Variants in SIPA1L1 observed in about 807,000 individuals in gnomAD.
The protein encoded by SIPA1L1 is signal-induced proliferation-associated 1-like protein 1.
A neutral mutation model predicts 162.7 loss-of-function variants in SIPA1L1; 26 were observed. The observed-to-expected ratio is 0.16, with a 90% CI of 0.12 to 0.22. The LOEUF is 0.22. Ranked by LOEUF, SIPA1L1 falls within the 10% of genes least tolerant of loss-of-function variation. SIPA1L1 has a pLI of 1.00. For synonymous variants in SIPA1L1, 829 were observed against 837.4 expected, an observed-to-expected ratio of 0.99 and a Z score of 0.17; for missense variants, 1,874 against 2,241.0, an observed-to-expected ratio of 0.84 and a Z score of 3.31.
At chr14:71,632,267 G>T (rs1161394974) in intron 7 of SIPA1L1, among the ~76,000 whole-genome samples, 4 of 152,116 alleles carry the variant, frequency 2.6e-5, no homozygotes, top group Admixed American at 2.6e-4. Flanking sequence ...AGGTCCCTGG[G>T]TTTTCTCTTT....
intron 2 of SIPA1L1, among the ~76,000 whole-genome samples, chr14:71,435,685 A>T (rs1052608423): frequency 1.3e-5 from 2 of 152,234 alleles, no homozygotes; most frequent in Non-Finnish European, 2.9e-5. Context: ...CTTTGGGTAT[A>T]TACCCAGTAA....
rs55893880 is a variant in SIPA1L1 at position 71,611,967 on chromosome 14, C to A, written c.1499-6790C>A. On this transcript the variant is annotated intron_variant, in intron 5 of 23. Transcript: ENST00000381232. ...CTGATGGTGGCACACATGTAACCAA[C>A]CAAGTCGACTATTTAAAAAAAAATA... Among the ~76,000 whole-genome samples the A allele has an allele frequency of 5.5e-3, 830 of 152,098 alleles. 10 individuals are homozygous for A. Among genetic ancestry groups the A allele is most frequent in the African/African-American group, 0.019 (804 of 41,492 alleles).
intron 2 of SIPA1L1, among the ~76,000 whole-genome samples, chr14:71,344,989 G>A (rs1010382138): frequency 2.6e-5 from 4 of 152,172 alleles, no homozygotes; most frequent in African/African-American, 9.7e-5. Context: ...CATCTGCACT[G>A]CACAGGAAAA....
chr14:71,696,956 C>T (rs1056749996), intron 13 of SIPA1L1, among the ~76,000 whole-genome samples: 18 of 152,170 alleles, frequency 1.2e-4, no homozygotes, highest in African/African-American at 4.3e-4. Context: ...TGGGCAGAGT[C>T]TGAGAACTGG....
rs776254463 is a variant in SIPA1L1, at chr14:71,724,828, G to A, written c.4607G>A (p.Ser1536Asn). The A allele has an allele frequency of 2.5e-6, 4 of 1,613,966 alleles. No individual in the cohort carries two copies. Among genetic ancestry groups the A allele is most frequent in the Non-Finnish European group, 2.5e-6 (3 of 1,179,986 alleles). Residue 1536 changes from serine to asparagine, a missense_variant, in exon 19 of 24, where the codon AGT becomes AAT. Transcript: ENST00000381232. ...LESPTPESQK[S>N]FKFHALSSPQ... ...AGCCCAACTCCTGAATCACAGAAGA[G>A]TTTTAAGGTACAAGACAGAGCTCAG...
At chr14:71,712,867 C>T (rs1481785584) in intron 17 of SIPA1L1, among the ~76,000 whole-genome samples, 1 of 152,200 alleles carries the variant, frequency 6.6e-6, no homozygotes, top group Non-Finnish European at 1.5e-5. Context: ...GGTCTCCTTC[C>T]TCTTGCTTCC....
intron 2 of SIPA1L1, among the ~76,000 whole-genome samples, chr14:71,327,631 G>GT (rs1341194747): frequency 6.6e-6 from 1 of 152,144 alleles, no homozygotes; most frequent in Non-Finnish European, 1.5e-5. Flanking sequence ...AATGGAGTCA[G>GT]TTTTTTTCCA....
At chr14:71,672,943 A>G (rs184555272) in intron 12 of SIPA1L1, among the ~76,000 whole-genome samples, 1 of 151,482 alleles carries the variant, frequency 6.6e-6, no homozygotes, top group East Asian at 1.9e-4. Flanking sequence ...CATTGAACAC[A>G]TTGAACATTA....
At chr14:71,652,880 TATA>T (rs2149112000) in intron 8 of SIPA1L1, among the ~76,000 whole-genome samples, 1 of 152,300 alleles carries the variant, frequency 6.6e-6, no homozygotes, top group Non-Finnish European at 1.5e-5. Flanking sequence ...TAAACACATT[TATA>T]ATAGTTGTTT....
rs2083978141 is a variant in SIPA1L1 at position 71,723,805 on chromosome 14, A to G, written c.4367A>G (p.Gln1456Arg). 3 of 1,614,176 alleles carry G rather than the reference A, an allele frequency of 1.9e-6. No individual in the cohort carries two copies. The African/African-American group carries it at 4.0e-5, about 22-fold the overall frequency. ...GGTCCTAGGAGTTTTTACCCTCGCC[A>G]GGGCGCTACTAGCAAGTACCTGATT... ...SSGPRSFYPR[Q>R]GATSKYLIGW... Residue 1456 changes from glutamine (Q) to arginine (R), a missense_variant, in exon 18 of 24, where the codon CAG (glutamine) becomes CGG (arginine). Coordinates refer to ENST00000381232, the MANE Select transcript of SIPA1L1 (RefSeq NM_001386936.1).
intron 8 of SIPA1L1, 84 bp downstream of exon 8, chr14:71,650,593 C>G: frequency 7.6e-7 from 1 of 1,312,432 alleles, no homozygotes; most frequent in Admixed American, 1.8e-5. Flanking sequence ...CGTAAAGCAA[C>G]ATTGCCATTT....
intron 2 of SIPA1L1, among the ~76,000 whole-genome samples, chr14:71,375,187 A>T (rs1272759894): frequency 6.6e-6 from 1 of 151,858 alleles, no homozygotes; most frequent in Non-Finnish European, 1.5e-5. Context: ...GCCTCTGGGG[A>T]GCTGCCATTT....
intron 2 of SIPA1L1, among the ~76,000 whole-genome samples, chr14:71,506,774 AT>A (rs2050702740): frequency 6.7e-6 from 1 of 148,548 alleles, no homozygotes; most frequent in Non-Finnish European, 1.5e-5. Context: ...TTCTCTATGA[AT>A]TCTCTCCATA....
At chr14:71,390,791 AC>A (rs2040682978) in intron 2 of SIPA1L1, among the ~76,000 whole-genome samples, 1 of 152,102 alleles carries the variant, frequency 6.6e-6, no homozygotes, top group African/African-American at 2.4e-5. Context: ...CCTCAAAAAA[AC>A]AAAAGCAAAA....
At chr14:71,374,609 A>C (rs1183321861) in intron 2 of SIPA1L1, among the ~76,000 whole-genome samples, 5 of 151,906 alleles carry the variant, frequency 3.3e-5, no homozygotes, top group Non-Finnish European at 5.9e-5. Flanking sequence ...TTTAAATTGT[A>C]AGTAAATAGT....
intron 14 of SIPA1L1, among the ~76,000 whole-genome samples, chr14:71,700,098 T>A (rs1361065803): frequency 6.6e-6 from 1 of 152,064 alleles, no homozygotes; most frequent in Admixed American, 6.5e-5. Context: ...AGAAATGAAA[T>A]TAAAAGTTCA....
At chr14:71,603,927 A>C (rs573921661) in intron 5 of SIPA1L1, among the ~76,000 whole-genome samples, 1 of 145,662 alleles carries the variant, frequency 6.9e-6, no homozygotes, top group Non-Finnish European at 1.5e-5. Flanking sequence ...ATAAATATAT[A>C]TATATTTATA....
intron 20 of SIPA1L1, 104 bp from the exon 21 acceptor site, chr14:71,733,562 G>A (rs1216661343): frequency 2.8e-5 from 33 of 1,199,188 alleles, no homozygotes; most frequent in Non-Finnish European, 3.8e-5. Flanking sequence ...ATTGATAACA[G>A]TCACAAATGG....
chr14:71,515,705 C>T (rs180720839), intron 3 of SIPA1L1, among the ~76,000 whole-genome samples: 7 of 152,082 alleles, frequency 4.6e-5, no homozygotes, highest in Admixed American at 2.0e-4. Context: ...ACTGCAGTGG[C>T]GCGATCTCAG....
Sources: gnomAD v4.1 joint callset for allele counts (sites outside exome capture counted in the v4.1 genomes callset) on GRCh38, gnomAD v4.1.1 for gene constraint, MANE v1.5 for transcripts, NCBI Gene and HGNC (gene_info 2026-07-23, HGNC 2026-07-21) for gene names.